Variants in C21orf58 observed in about 807,000 individuals in gnomAD.
The protein encoded by C21orf58 is chromosome 21 open reading frame 58.
In C21orf58, 34 loss-of-function variants were observed where a neutral mutation model predicts 35.8. The ratio of observed to expected loss-of-function variants is 0.95; its 90% CI spans 0.72 to 1.26. The LOEUF (loss-of-function observed/expected upper bound fraction) is 1.26, where lower values mean the gene tolerates loss of function less well. Among genes scored for constraint, C21orf58 ranks in the 50% most tolerant of loss-of-function variants. C21orf58 has a pLI of 0.00. For synonymous variants in C21orf58, 191 were observed against 175.8 expected, an observed-to-expected ratio of 1.09 and a Z score of -0.68; for missense variants, 440 against 414.3, an observed-to-expected ratio of 1.06 and a Z score of -0.54.
Position 46,302,052 on chromosome 21 carries a change from C to T in C21orf58, c.916G>A (p.Ala306Thr). Residue 306 changes from alanine to threonine, a missense_variant, in exon 8 of 8, where the codon GCT becomes ACT. Ala to Thr is a moderately conservative substitution (Grantham distance 58). Transcript: ENST00000291691. ...GGGGCGGGCTGGAGGACAGTGGCAG[C>T]CCCAGGTGGCCACACAGCATGGTGG... is the stretch of plus-strand genomic sequence containing the variant. Reference protein sequence around the residue: ...HHHHAVWPPGAATVLQPAPSL... With the variant: ...HHHHAVWPPGTATVLQPAPSL... 1 of 1,536,722 alleles carries T rather than the reference C, an allele frequency of 6.5e-7. No homozygotes were observed.
At chr21:46,318,378 G>A (rs1380446965) in intron 1 of C21orf58, 158 bp from the exon 2 acceptor site, 58 of 1,445,294 alleles carry the variant, frequency 4.0e-5, no homozygotes, top group South Asian at 2.6e-4. Context: ...TCAGGCTACC[G>A]GTAAACACTC....
rs1425225427 is a variant in C21orf58, at chr21:46,301,469, C to T, written c.*530G>A. 6 of 831,860 alleles carry T rather than the reference C, an allele frequency of 7.2e-6. No individual in the cohort carries two copies. The highest frequency in any genetic ancestry group is 1.0e-3 in the Admixed American group (1 of 980). The allele number at this position is 831,860 out of a possible 1,614,324, so 51.5% of individuals were successfully genotyped here. On this transcript the variant is annotated 3_prime_UTR_variant, in exon 8 of 8. Coordinates refer to ENST00000291691, the MANE Select transcript of C21orf58 (RefSeq NM_058180.5). ...ACTTCTTTAGTGGGAGTCTGTGCCA[C>T]AGCTGTGGACACAGGTGTCCCTAGT...
At chr21:46,305,707 A>G (rs1301019019) in intron 6 of C21orf58, among the ~76,000 whole-genome samples, 2 of 152,150 alleles carry the variant, frequency 1.3e-5, no homozygotes, top group African/African-American at 4.8e-5. Flanking sequence ...TGGGAGGCTG[A>G]GGTGGGCGGA....
intron 5 of C21orf58, among the ~76,000 whole-genome samples, chr21:46,312,293 A>G (rs187612739): frequency 6.6e-6 from 1 of 152,126 alleles, no homozygotes; most frequent in East Asian, 1.9e-4. Flanking sequence ...TTCTGCTTTA[A>G]TAGGAGCAAC....
chr21:46,311,485 G>T lies in C21orf58; in HGVS notation c.692C>A (p.Pro231His). ...CTTAATACTTCCTGACCGTTGAGTA[G>T]GGAAGGCCTGGGGAGGAGGAATCTG... ...IAQIPPPQAF[P>H]TQRSGSIKED... Residue 231 changes from proline to histidine, a missense_variant, in exon 6 of 8, where the codon CCT becomes CAT. Pro to His is a moderately conservative substitution (Grantham distance 77). Transcript: ENST00000291691. The T allele has an allele frequency of 6.2e-7, 1 of 1,608,816 alleles. No individual in the cohort carries two copies. The highest frequency in any genetic ancestry group is 8.5e-7 in the Non-Finnish European group (1 of 1,176,670).
At chr21:46,316,625 G>T (rs2082986665) in intron 3 of C21orf58, among the ~76,000 whole-genome samples, 1 of 152,220 alleles carries the variant, frequency 6.6e-6, no homozygotes, top group South Asian at 2.1e-4. Flanking sequence ...AGCCCTTGGG[G>T]GGGTCCCCAA....
chr21:46,305,561 C>T (rs1206035411), intron 6 of C21orf58, among the ~76,000 whole-genome samples: 1 of 152,048 alleles, frequency 6.6e-6, no homozygotes, highest in Non-Finnish European at 1.5e-5. Flanking sequence ...AACTCCTAGG[C>T]TCAAGTGATC....
In C21orf58 at chr21:46,323,097, T is replaced by C. The variant is rs1043196388; in HGVS notation, c.-359A>G. ...AGGTCACCGGCCCTGTCTTGGTTTTTTGCCACTTCGCTCCAGTTAGTTTCC... is the reference window on the plus strand; with the variant it reads ...AGGTCACCGGCCCTGTCTTGGTTTTCTGCCACTTCGCTCCAGTTAGTTTCC... On this transcript the variant is annotated 5_prime_UTR_variant, in exon 1 of 8. Transcript: ENST00000291691. The C allele has an allele frequency of 6.2e-6, 1 of 161,866 alleles. No homozygotes were observed. The highest frequency in any genetic ancestry group is 2.4e-5 in the African/African-American group (1 of 41,900). 10.0% of individuals were successfully genotyped at this position (161,866 alleles called of 1,614,324 possible).
At chr21:46,308,470 G>T (rs2082525003) in intron 6 of C21orf58, among the ~76,000 whole-genome samples, 1 of 151,910 alleles carries the variant, frequency 6.6e-6, no homozygotes, top group South Asian at 2.1e-4. Flanking sequence ...CAAAAAAAAA[G>T]AGTTAAATCT....
chr21:46,302,270 A>C, intron 7 of C21orf58, 116 bp from the exon 8 acceptor site: 1 of 1,421,190 alleles, frequency 7.0e-7, no homozygotes, highest in Non-Finnish European at 9.3e-7. Context: ...GCAGGGTCTA[A>C]GCATCCTCCC....
chr21:46,308,550 C>T (rs1300657411), intron 6 of C21orf58, among the ~76,000 whole-genome samples: 1 of 152,168 alleles, frequency 6.6e-6, no homozygotes, highest in Non-Finnish European at 1.5e-5. Flanking sequence ...CACAGAAAGA[C>T]TGAGGCAGGA....
At chr21:46,303,212 G>A (rs1328591676) in intron 6 of C21orf58, among the ~76,000 whole-genome samples, 2 of 151,932 alleles carry the variant, frequency 1.3e-5, no homozygotes, top group East Asian at 1.9e-4. Flanking sequence ...AGTGGTGCAT[G>A]CCTGTAGTCC....
intron 1 of C21orf58, chr21:46,322,384 AAC>A (rs1382739268): frequency 2.1e-6 from 2 of 960,022 alleles, no homozygotes; most frequent in African/African-American, 3.5e-5. Context: ...GGTTCTGAGG[AAC>A]ACAGTCTAGG....
chr21:46,300,960 A>G (rs2082086543), downstream of C21orf58, among the ~76,000 whole-genome samples: 1 of 152,162 alleles, frequency 6.6e-6, no homozygotes, highest in Non-Finnish European at 1.5e-5. Flanking sequence ...ACAGCACAGA[A>G]GGAAACTGAA....
Position 46,301,895 on chromosome 21 carries a change from G to A in C21orf58, c.*104C>T. 7.5e-7 allele frequency: 1 copy of A among 1,338,232 alleles called. No individual in the cohort carries two copies. The highest frequency in any genetic ancestry group is 9.5e-7 in the Non-Finnish European group (1 of 1,047,820). The allele number at this position is 1,338,232 out of a possible 1,614,324, so 82.9% of individuals were successfully genotyped here. A position where few individuals can be genotyped will look rare whatever the true frequency, so the allele number is the denominator to read the frequency against. ...CACTCGCGTAGCCACTCCGGGTGGTGGCAGGGTCTCTCCCTGCTCCCTTCC... is the reference window on the plus strand; with the variant it reads ...CACTCGCGTAGCCACTCCGGGTGGTAGCAGGGTCTCTCCCTGCTCCCTTCC... On this transcript the variant is annotated 3_prime_UTR_variant, in exon 8 of 8. Coordinates refer to ENST00000291691, the MANE Select transcript of C21orf58 (RefSeq NM_058180.5).
intron 5 of C21orf58, among the ~76,000 whole-genome samples, chr21:46,312,668 C>T (rs1279551059): frequency 2.0e-5 from 3 of 152,172 alleles, no homozygotes; most frequent in Non-Finnish European, 4.4e-5. Context: ...CCATGCCCGG[C>T]CTGGTCAGTC....
chr21:46,320,668 A>C (rs978038302), intron 1 of C21orf58: 42 of 152,164 alleles, frequency 2.8e-4, no homozygotes, highest in African/African-American at 9.7e-4. Context: ...AAAGAGCAGA[A>C]CACCACCAGG....
At chr21:46,311,795 C>G (rs907465406) in intron 5 of C21orf58, among the ~76,000 whole-genome samples, 18 of 151,506 alleles carry the variant, frequency 1.2e-4, no homozygotes, top group Non-Finnish European at 2.1e-4. Context: ...ATCCAACCAG[C>G]CAACCAACCA....
chr21:46,304,936 G>A (rs866470585), intron 6 of C21orf58, among the ~76,000 whole-genome samples: 4 of 152,184 alleles, frequency 2.6e-5, no homozygotes, highest in Admixed American at 1.3e-4. Context: ...CACACTAAGC[G>A]AAATAAGCCA....
Sources: gnomAD v4.1 joint callset for allele counts (sites outside exome capture counted in the v4.1 genomes callset) on GRCh38, gnomAD v4.1.1 for gene constraint, MANE v1.5 for transcripts, NCBI Gene and HGNC (gene_info 2026-07-23, HGNC 2026-07-21) for gene names.